The following SAMD12 variants were observed in gnomAD, a reference collection of about 807,000 sequenced individuals.
SAMD12 encodes the protein sterile alpha motif domain containing 12.
In SAMD12, 9 loss-of-function variants were observed where a neutral mutation model predicts 15.0. The ratio of observed to expected loss-of-function variants is 0.60; its 90% CI spans 0.36 to 1.05. The LOEUF is 1.05. Among genes scored for constraint, SAMD12 ranks in the 50% least tolerant of loss-of-function variants. SAMD12 has a pLI of 0.01. For synonymous variants in SAMD12, 86 were observed against 90.1 expected (o/e 0.96, Z 0.25); for missense variants, 230 against 234.2 (o/e 0.98, Z 0.12).
chr8:118,156,935 T>A, the SAMD12 span, among the ~76,000 whole-genome samples: 1 of 152,086 alleles, frequency 6.6e-6, no homozygotes, highest in African/African-American at 2.4e-5. Flanking sequence ...TTACGCAGGG[T>A]CAGTATGATG....
At chr8:118,288,542 A>G (rs947858040) in intron 4 of SAMD12, among the ~76,000 whole-genome samples, 1 of 152,236 alleles carries the variant, frequency 6.6e-6, no homozygotes, top group African/African-American at 2.4e-5. Context: ...CATAAACTAC[A>G]ATTAGTCCAC....
chr8:118,350,878 A>G (rs1446405956), intron 4 of SAMD12, among the ~76,000 whole-genome samples: 1 of 152,210 alleles, frequency 6.6e-6, no homozygotes, highest in Admixed American at 6.5e-5. Context: ...CATATTCACA[A>G]TGGGAAACCT....
At chr8:118,551,167 C>T (rs1290319314) in intron 2 of SAMD12, among the ~76,000 whole-genome samples, 1 of 152,128 alleles carries the variant, frequency 6.6e-6, no homozygotes, top group Non-Finnish European at 1.5e-5. Flanking sequence ...AGCTCTGCAC[C>T]AAGCAGACCT....
downstream of SAMD12, among the ~76,000 whole-genome samples, chr8:118,186,321 C>T (rs1444363679): frequency 6.6e-6 from 1 of 152,148 alleles, no homozygotes; most frequent in Non-Finnish European, 1.5e-5. Context: ...ATTAGTTGAG[C>T]TGCTTATTTC....
chr8:118,367,552 T>C (rs1818865140), intron 4 of SAMD12, among the ~76,000 whole-genome samples: 1 of 152,142 alleles, frequency 6.6e-6, no homozygotes, highest in Non-Finnish European at 1.5e-5. Flanking sequence ...CTTATGACCA[T>C]CTTAAATTGT....
chr8:118,256,825 CACATTCTTTTTA>C (rs1315673076), intron 4 of SAMD12, among the ~76,000 whole-genome samples: 1 of 151,256 alleles, frequency 6.6e-6, no homozygotes, highest in Admixed American at 6.6e-5. Flanking sequence ...CACACACGCA[CACATTCTTTTTA>C]GCTACGGAAT....
At chr8:118,202,755 T>C (rs573200329) in intron 4 of SAMD12, among the ~76,000 whole-genome samples, 6 of 152,290 alleles carry the variant, frequency 3.9e-5, no homozygotes, top group South Asian at 2.1e-4. Context: ...CCTGAAAGTG[T>C]CTTTCGTGTA....
intron 3 of SAMD12, among the ~76,000 whole-genome samples, chr8:118,434,219 G>A (rs1822506404): frequency 6.6e-6 from 1 of 152,142 alleles, no homozygotes; most frequent in African/African-American, 2.4e-5. Context: ...GTACAAGTGG[G>A]TGACAGTTGC....
intron 2 of SAMD12, among the ~76,000 whole-genome samples, chr8:118,447,704 A>ATATTTGTTTATTTATT (rs1822957614): frequency 7.2e-6 from 1 of 138,258 alleles, no homozygotes; most frequent in African/African-American, 2.7e-5. Context: ...TTTATTTTTA[A>ATATTTGTTTATTTATT]TATTTATTTA....
At chr8:118,542,607 ACT>A (rs1826017701) in intron 2 of SAMD12, among the ~76,000 whole-genome samples, 1 of 152,242 alleles carries the variant, frequency 6.6e-6, no homozygotes, top group Non-Finnish European at 1.5e-5. Flanking sequence ...GAACCAAGAA[ACT>A]AGAGAACAAG....
chr8:118,330,912 C>T (rs7005026), intron 4 of SAMD12, among the ~76,000 whole-genome samples: 36,634 of 151,874 alleles, frequency 0.24, 5,564 homozygotes, highest in African/African-American at 0.43. Context: ...ACTCCACCAC[C>T]ACACAACACA....
intron 4 of SAMD12, among the ~76,000 whole-genome samples, chr8:118,224,398 T>C (rs1469156826): frequency 2.6e-5 from 4 of 152,200 alleles, no homozygotes; most frequent in Non-Finnish European, 4.4e-5. Flanking sequence ...GACTCCAAAA[T>C]CATGAATCTC....
chr8:118,179,016 G>A, the SAMD12 span, among the ~76,000 whole-genome samples: 12,375 of 152,188 alleles, frequency 0.081, 636 homozygotes, highest in Admixed American at 0.11. Context: ...CAGGGGGTTG[G>A]GTGGGCATCA....
chr8:118,290,168 T>G (rs1311451097), intron 4 of SAMD12, among the ~76,000 whole-genome samples: 1 of 152,158 alleles, frequency 6.6e-6, no homozygotes, highest in Non-Finnish European at 1.5e-5. Context: ...TATTTGATAT[T>G]AAGAAAATGT....
intron 1 of SAMD12, chr8:118,621,260 T>C: frequency 6.4e-6 from 1 of 155,310 alleles, no homozygotes; most frequent in East Asian, 1.9e-4. Context: ...GCGCTGGCTG[T>C]ATAAGCAGAG....
chr8:118,228,439 A>G (rs907365354), intron 4 of SAMD12, among the ~76,000 whole-genome samples: 2 of 152,180 alleles, frequency 1.3e-5, no homozygotes, highest in African/African-American at 4.8e-5. Context: ...TCAGTAAGAA[A>G]AAGAAAAACA....
intron 3 of SAMD12, among the ~76,000 whole-genome samples, chr8:118,386,451 G>A (rs1819962440): frequency 6.6e-6 from 1 of 152,140 alleles, no homozygotes; most frequent in Admixed American, 6.5e-5. Context: ...ATCTTCCCTT[G>A]TGAAGATCCT....
intron 2 of SAMD12, among the ~76,000 whole-genome samples, chr8:118,504,657 G>C (rs1170000758): frequency 6.6e-6 from 1 of 152,192 alleles, no homozygotes; most frequent in Non-Finnish European, 1.5e-5. Context: ...GGATTGTCCT[G>C]GTGGGCCCCA....
intron 4 of SAMD12, among the ~76,000 whole-genome samples, chr8:118,316,690 C>A (rs7817627): frequency 0.48 from 72,194 of 151,508 alleles, 19,710 homozygotes; most frequent in African/African-American, 0.77. Flanking sequence ...CACTGGGAGA[C>A]TCTACTAAAG....
Sources: gnomAD v4.1 joint callset for allele counts (sites outside exome capture counted in the v4.1 genomes callset) on GRCh38, gnomAD v4.1.1 for gene constraint, MANE v1.5 for transcripts, NCBI Gene and HGNC (gene_info 2026-07-23, HGNC 2026-07-21) for gene names.